CARS2: variants seen among roughly 807,000 people sequenced by gnomAD.
CARS2 encodes probable cysteine--tRNA ligase, mitochondrial.
Under a neutral mutation model 68.8 loss-of-function variants are expected in CARS2, and 52 were observed. The observed-to-expected ratio is 0.76, with a 90% CI of 0.61 to 0.95. The LOEUF (loss-of-function observed/expected upper bound fraction) is 0.95, where lower values mean the gene tolerates loss of function less well. Among genes scored for constraint, CARS2 ranks in the 40% least tolerant of loss-of-function variants. The probability of loss-of-function intolerance (pLI) is 0.00; values close to 1 mark genes in which losing one functional copy is unlikely to be tolerated. For synonymous variants in CARS2, 314 were observed against 303.6 expected (o/e 1.03, Z -0.36); for missense variants, 780 against 754.2 (o/e 1.03, Z -0.40).
At chr13:110,712,610 C>A in intron 1 of CARS2, 1 of 451,616 alleles carries the variant, frequency 2.2e-6, no homozygotes, top group Non-Finnish European at 4.2e-6. Context: ...AGCCCAAAAT[C>A]CGGGAGCTTT....
intron 8 of CARS2, chr13:110,664,005 T>C: frequency 5.1e-6 from 5 of 987,580 alleles, no homozygotes; most frequent in Non-Finnish European, 6.0e-6. Flanking sequence ...CCTGTTGCAG[T>C]TGGTTTCACA....
At chr13:110,656,307 CA>C in intron 9 of CARS2, among the ~76,000 whole-genome samples, 1 of 151,860 alleles carries the variant, frequency 6.6e-6, no homozygotes, top group Non-Finnish European at 1.5e-5. Context: ...TCAAAAAAGA[CA>C]AAACAAAAAG....
intron 9 of CARS2, among the ~76,000 whole-genome samples, chr13:110,660,485 T>C (rs1191615206): frequency 6.6e-6 from 1 of 152,228 alleles, no homozygotes; most frequent in Non-Finnish European, 1.5e-5. Flanking sequence ...TTTTCTTAAA[T>C]AATAAGACTT....
chr13:110,660,187 C>T (rs113640662), intron 9 of CARS2, among the ~76,000 whole-genome samples: 63 of 152,342 alleles, frequency 4.1e-4, no homozygotes, highest in African/African-American at 1.2e-3. Context: ...GCAGTTCAGT[C>T]ACATCTCCAG....
At chr13:110,677,730 CGGAAACCCAGACAGTCACCCCCACCAT>C (rs2063005560) in intron 6 of CARS2, among the ~76,000 whole-genome samples, 4 of 86,370 alleles carry the variant, frequency 4.6e-5, no homozygotes, top group Non-Finnish European at 1.0e-4. Context: ...CACCCCGCCA[CGGAAACCCAGACAGTCACCCCCACCAT>C]GGAAACACAA....
chr13:110,664,463 G>T, intron 8 of CARS2: 1 of 396,944 alleles, frequency 2.5e-6, no homozygotes, highest in Non-Finnish European at 3.4e-6. Flanking sequence ...CCTAGAGTGA[G>T]CTATGTTCAT....
At chr13:110,674,830 A>G (rs2062900623) in intron 7 of CARS2, among the ~76,000 whole-genome samples, 1 of 152,258 alleles carries the variant, frequency 6.6e-6, no homozygotes, top group Non-Finnish European at 1.5e-5. Flanking sequence ...GCTAATATCC[A>G]GAATCTACAA....
intron 11 of CARS2, chr13:110,646,485 C>T (rs1002659510): frequency 5.8e-6 from 1 of 172,388 alleles, no homozygotes; most frequent in South Asian, 1.5e-4. Flanking sequence ...CTCAGCCTCC[C>T]GTGGCCACTG....
At chr13:110,702,388 C>T (rs2063812707) in intron 2 of CARS2, among the ~76,000 whole-genome samples, 1 of 152,216 alleles carries the variant, frequency 6.6e-6, no homozygotes, top group East Asian at 1.9e-4. Context: ...AGTCGGCTTG[C>T]TTATAAATTT....
rs1307296781 is a variant in CARS2 at position 110,687,957 on chromosome 13, G to C, written c.455C>G (p.Ala152Gly). The change falls in exon 4 of 15, where the codon GCA becomes GGA. Residue 152 changes from alanine to glycine, a missense_variant. Ala to Gly is a moderately conservative substitution (Grantham distance 60). Coordinates refer to ENST00000257347, the MANE Select transcript of CARS2 (RefSeq NM_024537.4). ...LYEEDFKQDM[A>G]ALKVLPPTVY... ...AGCCCCACACTTTACCTTCAGGGCT[G>C]CCATGTCCTGCTTGAAGTCTTCCTC... is the stretch of plus-strand genomic sequence containing the variant. The C allele has an allele frequency of 6.2e-7, 1 of 1,612,220 alleles. No homozygotes were observed. The highest frequency in any genetic ancestry group is 1.1e-5 in the South Asian group (1 of 91,032).
chr13:110,683,188 A>G, intron 5 of CARS2, 54 bp from the exon 6 acceptor site: 1 of 1,227,778 alleles, frequency 8.1e-7, no homozygotes, highest in Non-Finnish European at 1.1e-6. Context: ...ATATCAGCAT[A>G]TTGACAACCT....
At position 110,647,212 on chromosome 13, in the gene CARS2, A is replaced by T. The variant is rs1157381331; in HGVS notation, c.1082T>A (p.Leu361His). The T allele has an allele frequency of 1.2e-5, 19 of 1,613,098 alleles. No individual in the cohort carries two copies. Among genetic ancestry groups the T allele is most frequent in the Non-Finnish European group, 1.4e-5 (17 of 1,179,800 alleles). ...SAIDYSDSAMLQAQQLLLGLG... is the reference protein window; with the variant it reads ...SAIDYSDSAMHQAQQLLLGLG... ...CCCCAGGAGCAGCTGCTGAGCTTGG[A>T]GCATGGCGCTGTCACTGTAGTCGAT... is the stretch of plus-strand genomic sequence containing the variant. Residue 361 changes from leucine to histidine, a missense_variant, in exon 11 of 15, where the codon CTC (leucine) becomes CAC (histidine). Physicochemically the swap from Leu to His is moderately conservative, Grantham distance 99 (BLOSUM62 -3). Coordinates refer to ENST00000257347, the MANE Select transcript of CARS2 (RefSeq NM_024537.4).
intron 9 of CARS2, among the ~76,000 whole-genome samples, chr13:110,661,467 T>G (rs1483009428): frequency 1.3e-5 from 2 of 152,246 alleles, no homozygotes; most frequent in Admixed American, 6.5e-5. Context: ...TGGTTTGATC[T>G]TCTCTATCCA....
chr13:110,667,954 G>T (rs931705086), intron 7 of CARS2, among the ~76,000 whole-genome samples: 1 of 152,168 alleles, frequency 6.6e-6, no homozygotes, highest in Non-Finnish European at 1.5e-5. Flanking sequence ...CATAAAAACC[G>T]CGTTTCTGCA....
At chr13:110,713,459 C>T (rs2064063320) in exon 1 of CARS2, 2 of 990,902 alleles carry the variant, frequency 2.0e-6, no homozygotes, top group Non-Finnish European at 2.4e-6. Flanking sequence ...TGCGCCTCGC[C>T]CGCCGTCCAC....
At position 110,705,574 on chromosome 13, in the gene CARS2, G is replaced by A. The variant is rs893378183; in HGVS notation, c.225-3C>T. ...ATACAGTTGGTCCACAGCTATACCT[G>A]GAAACAAAGTTAAAATCCATCGTGT... On this transcript the variant is annotated splice_region_variant and splice_polypyrimidine_tract_variant and intron_variant, in intron 1 of 14. Coordinates refer to ENST00000257347, the MANE Select transcript of CARS2 (RefSeq NM_024537.4). This position sits in a 1 kb window ranked among gnomAD's most constrained non-coding sequence, Gnocchi z 4.0. 3 of 1,611,842 alleles carry A rather than the reference G, an allele frequency of 1.9e-6. No individual in the cohort carries two copies. The highest frequency in any genetic ancestry group is 3.3e-5 in the Admixed American group (2 of 59,976).
chr13:110,658,498 C>T (rs564255738), intron 9 of CARS2, among the ~76,000 whole-genome samples: 3 of 152,218 alleles, frequency 2.0e-5, no homozygotes, highest in African/African-American at 7.2e-5. Context: ...AAGATGATAA[C>T]TTTTATGTTA....
chr13:110,689,514 C>A (rs1189337106), intron 3 of CARS2, among the ~76,000 whole-genome samples: 2 of 152,234 alleles, frequency 1.3e-5, no homozygotes, highest in Non-Finnish European at 2.9e-5. Context: ...AGCTGGTGAA[C>A]TATGCGTTGC....
rs2139748776 is a variant in CARS2 at position 110,663,525 on chromosome 13, CA to C, written c.920-8del. On this transcript the variant is annotated splice_region_variant and splice_polypyrimidine_tract_variant and intron_variant, in intron 8 of 14. Transcript: ENST00000257347. ...CCTTTGGCGTGCAAATGCCCTGAAA[CA>C]AAAACAAAAGCATTCAGTCTGAGCT... 1 of 1,613,398 alleles carries C rather than the reference CA, an allele frequency of 6.2e-7. No homozygotes were observed. Among genetic ancestry groups the C allele is most frequent in the South Asian group, 1.1e-5 (1 of 90,962 alleles).
Sources: allele counts gnomAD v4.1 joint callset (sites outside exome capture counted in the v4.1 genomes callset), GRCh38; gene constraint gnomAD v4.1.1; non-coding constraint Gnocchi (gnomAD v3.1); transcripts MANE v1.5; gene names NCBI Gene and HGNC (gene_info 2026-07-23, HGNC 2026-07-21).